Variants in POLI observed in about 807,000 individuals in gnomAD.
POLI encodes the protein RAD30 homolog B.
In POLI, 58 loss-of-function variants were observed where a neutral mutation model predicts 51.6. The ratio of observed to expected loss-of-function variants is 1.12; its 90% CI spans 0.91 to 1.40. The LOEUF is 1.40. POLI is among the 40% of genes most tolerant of loss of function. POLI has a pLI of 0.00. For synonymous variants in POLI, 322 were observed against 299.7 expected (o/e 1.07, Z -0.77); for missense variants, 921 against 871.3 (o/e 1.06, Z -0.72).
At chr18:54,307,517 T>A (rs1307887782) in intron 3 of POLI, among the ~76,000 whole-genome samples, 2 of 152,168 alleles carry the variant, frequency 1.3e-5, no homozygotes, top group Non-Finnish European at 2.9e-5. Context: ...TGTGGTCAGT[T>A]TTGGAATAAG....
In POLI at chr18:54,294,539, T is replaced by C; in HGVS notation, c.*72T>C. On this transcript the variant is annotated 3_prime_UTR_variant, in exon 10 of 10. Coordinates refer to ENST00000579534, the MANE Select transcript of POLI (RefSeq NM_007195.3). ...TCGGATTAGCGGTTTATTAAGCTCT[T>C]CTATATTAAACACTAATAGATATTC... The C allele has an allele frequency of 3.4e-6, 5 of 1,473,504 alleles. No individual in the cohort carries two copies. Among genetic ancestry groups the C allele is most frequent in the Non-Finnish European group, 3.6e-6 (4 of 1,118,208 alleles). The allele number at this position is 1,473,504 out of a possible 1,614,324, so 91.3% of individuals were successfully genotyped here.
At chr18:54,283,535 G>C (rs773881584) in intron 6 of POLI, among the ~76,000 whole-genome samples, 3 of 151,930 alleles carry the variant, frequency 2.0e-5, no homozygotes, top group Admixed American at 2.0e-4. Context: ...CTCTCAAGAT[G>C]AGGATACCGT....
chr18:54,307,753 T>C (rs1435583985), intron 3 of POLI, among the ~76,000 whole-genome samples: 2 of 152,220 alleles, frequency 1.3e-5, no homozygotes, highest in Non-Finnish European at 2.9e-5. Flanking sequence ...ACTTGCTTTA[T>C]GAATCTGGGT....
chr18:54,309,105 C>T (rs2088632950), intron 3 of POLI, among the ~76,000 whole-genome samples: 1 of 152,206 alleles, frequency 6.6e-6, no homozygotes, highest in Non-Finnish European at 1.5e-5. Flanking sequence ...AAGTCATTCT[C>T]CCTCCAGCTT....
chr18:54,293,703 G>A lies in POLI; in HGVS notation c.1459G>A (p.Asp487Asn), dbSNP rs1206254522. Residue 487 changes from aspartate (D) to asparagine (N), a missense_variant, in exon 10 of 10, where the codon GAT becomes AAT. Transcript: ENST00000579534. ...TCCCAAAGACAAAGAAACAAACCGG[G>A]ATTTCCTACCAAGTGGAAGAATTGA... is the stretch of plus-strand genomic sequence containing the variant. ...DFPKDKETNR[D>N]FLPSGRIEST... The A allele has an allele frequency of 1.3e-6, 2 of 1,597,722 alleles. No homozygotes were observed. The highest frequency in any genetic ancestry group is 2.2e-5 in the East Asian group (1 of 44,694).
rs774811562 is a variant in POLI, at chr18:54,277,815, T to A, written c.519T>A (p.Leu173=). 1.2e-6 allele frequency: 2 copies of A among 1,613,088 alleles called. No individual in the cohort carries two copies. Reference sequence around the variant, plus strand: ...TACAGCAGCTGCAAAGTGATGAACTTTCTGCGGTGACTGTGTCGGGTCATG... The same window carrying A: ...TACAGCAGCTGCAAAGTGATGAACTATCTGCGGTGACTGTGTCGGGTCATG... ...KRLQQLQSDE[L]SAVTVSGHVY... The change falls in exon 4 of 10, where the codon CTT becomes CTA. Residue 173 remains leucine (L), a synonymous_variant. Transcript: ENST00000579534.
At chr18:54,310,874 G>A (rs374001815) in intron 3 of POLI, among the ~76,000 whole-genome samples, 12 of 152,050 alleles carry the variant, frequency 7.9e-5, no homozygotes, top group South Asian at 4.2e-4. Context: ...AGGTTTGGCC[G>A]CCAGAAATGA....
At position 54,280,715 on chromosome 18, in the gene POLI, A is replaced by G; in HGVS notation, c.608A>G (p.Gln203Arg). Reference protein sequence around the residue: ...VLHIRLLVGSQIAAEMREAMY... With the variant: ...VLHIRLLVGSRIAAEMREAMY... ...CACATCAGACTACTTGTTGGATCTC[A>G]GATTGCAGCAGAGATGCGGGAAGCC... Residue 203 changes from glutamine (Q) to arginine (R), a missense_variant, in exon 5 of 10, where the codon CAG (glutamine) becomes CGG (arginine). By Grantham distance (43) the Gln-to-Arg change is conservative. Coordinates refer to ENST00000579534, the MANE Select transcript of POLI (RefSeq NM_007195.3). 1 of 1,613,636 alleles carries G rather than the reference A, an allele frequency of 6.2e-7. No homozygotes were observed. The highest frequency in any genetic ancestry group is 2.2e-5 in the East Asian group (1 of 44,882).
chr18:54,296,059 C>T lies in POLI; in HGVS notation c.*1592C>T, dbSNP rs2088312332. On this transcript the variant is annotated 3_prime_UTR_variant, in exon 10 of 10. Transcript: ENST00000579534. The stretch of plus-strand genomic sequence containing the variant: ...AGCAAGAACATCAGAAATTGTTCAC[C>T]ATGCAAATATTTAGTACTCTGAATC... The T allele has an allele frequency of 1.0e-6, 1 of 984,842 alleles. No homozygotes were observed. Among genetic ancestry groups the T allele is most frequent in the African/African-American group, 1.7e-5 (1 of 57,220 alleles). The allele number at this position is 984,842 out of a possible 1,614,324, so 61.0% of individuals were successfully genotyped here. A position where few individuals can be genotyped will look rare whatever the true frequency, so the allele number is the denominator to read the frequency against.
chr18:54,309,985 A>C (rs999268625), intron 3 of POLI, among the ~76,000 whole-genome samples: 1 of 152,160 alleles, frequency 6.6e-6, no homozygotes, highest in Admixed American at 6.5e-5. Context: ...TTCCAGATAC[A>C]GTCTGTCAGG....
chr18:54,271,548 A>C (rs891544410), intron 2 of POLI, 63 bp downstream of exon 2: 2 of 1,095,682 alleles, frequency 1.8e-6, no homozygotes, highest in Non-Finnish European at 2.6e-6. Context: ...CATCATGCTC[A>C]TTATATACTG....
downstream of POLI, among the ~76,000 whole-genome samples, chr18:54,298,588 CTTTT>C (rs145052748): frequency 2.6e-5 from 3 of 114,896 alleles, no homozygotes; most frequent in African/African-American, 3.6e-5. Flanking sequence ...ACTACAGAAT[CTTTT>C]TTTTTTTTTT....
intron 4 of POLI, among the ~76,000 whole-genome samples, chr18:54,279,688 T>C (rs1245712118): frequency 3.9e-5 from 6 of 152,234 alleles, no homozygotes; most frequent in Non-Finnish European, 8.8e-5. Flanking sequence ...CTAAATACTT[T>C]TAGCGTTAGT....
chr18:54,304,419 T>C (rs1235488177), intron 3 of POLI, among the ~76,000 whole-genome samples: 3 of 152,264 alleles, frequency 2.0e-5, no homozygotes, highest in African/African-American at 7.2e-5. Flanking sequence ...CTCTCCAGCA[T>C]CTGTTGTTTC....
intron 7 of POLI, chr18:54,284,506 TAAG>T (rs1326211757): frequency 6.6e-6 from 1 of 152,144 alleles, no homozygotes; most frequent in African/African-American, 2.4e-5. Flanking sequence ...TGCATTTCAT[TAAG>T]AAGAAAAAAA....
chr18:54,300,098 A>C (rs1231721994), downstream of POLI, among the ~76,000 whole-genome samples: 3 of 151,316 alleles, frequency 2.0e-5, no homozygotes, highest in Non-Finnish European at 4.4e-5. Flanking sequence ...TCCAACAGGC[A>C]GGAAGAGCAC....
In POLI at chr18:54,297,367, G is replaced by A; in HGVS notation, c.*2900G>A. On this transcript the variant is annotated 3_prime_UTR_variant, in exon 10 of 10. Coordinates refer to ENST00000579534, the MANE Select transcript of POLI (RefSeq NM_007195.3). ...TATTTTTTCTGTTTCTCTCTTGAGT[G>A]TATAGTGTAGAGGGGGTTTCTGTCT... 11 of 982,694 alleles carry A rather than the reference G, an allele frequency of 1.1e-5. No individual in the cohort carries two copies. In the South Asian group the frequency reaches 4.7e-4, roughly 42 times the overall value. 60.9% of individuals were successfully genotyped at this position (982,694 alleles called of 1,614,324 possible). A position where few individuals can be genotyped will look rare whatever the true frequency, so the allele number is the denominator to read the frequency against.
chr18:54,293,983 T>C lies in POLI; in HGVS notation c.1739T>C (p.Ile580Thr), dbSNP rs1450898711. ...TTTTCTAAAAAACAAATGCAAGATA[T>C]TCCCATAAATCCTAGAGATCATTTA... is the stretch of plus-strand genomic sequence containing the variant. The part of the protein sequence containing the change: ...SFFSKKQMQD[I>T]PINPRDHLSS... Residue 580 changes from isoleucine (I) to threonine (T), a missense_variant, in exon 10 of 10, where the codon ATT (isoleucine) becomes ACT (threonine). Ile to Thr is a moderately conservative substitution (Grantham distance 89). Transcript: ENST00000579534. 4.3e-6 allele frequency: 7 copies of C among 1,613,052 alleles called. No individual in the cohort carries two copies. Among genetic ancestry groups the C allele is most frequent in the Non-Finnish European group, 5.9e-6 (7 of 1,179,238 alleles).
chr18:54,296,106 A>T lies in POLI; in HGVS notation c.*1639A>T. The stretch of plus-strand genomic sequence containing the variant: ...AATCAAGGAACATAGTATTTTTTAC[A>T]TGAGTATTCCAGTAAGGTAATTAAA... On this transcript the variant is annotated 3_prime_UTR_variant, in exon 10 of 10. Transcript: ENST00000579534. 1.0e-6 allele frequency: 1 copy of T among 982,738 alleles called. No homozygotes were observed. The highest frequency in any genetic ancestry group is 4.7e-5 in the South Asian group (1 of 21,228). 60.9% of individuals were successfully genotyped at this position (982,738 alleles called of 1,614,324 possible).
Sources: allele counts gnomAD v4.1 joint callset (sites outside exome capture counted in the v4.1 genomes callset), GRCh38; gene constraint gnomAD v4.1.1; transcripts MANE v1.5; gene names NCBI Gene and HGNC (gene_info 2026-07-23, HGNC 2026-07-21).